Variants in ZNF529 observed in about 807,000 individuals in gnomAD.
ZNF529 encodes zinc finger protein 529.
A neutral mutation model predicts 10.1 loss-of-function variants in ZNF529; 11 were observed. The ratio of observed to expected loss-of-function variants is 1.09; its 90% CI spans 0.69 to 1.81. ZNF529 has a LOEUF of 1.81. Among genes scored for constraint, ZNF529 ranks in the 40% most tolerant of loss-of-function variants. The pLI is 0.00. For missense variants in ZNF529, 624 were observed against 666.8 expected (o/e 0.94, Z 0.71); for synonymous variants, 204 against 215.7 (o/e 0.95, Z 0.47).
intron 1 of ZNF529, 90 bp from the exon 2 acceptor site, chr19:36,572,482 A>G (rs1370222822): frequency 2.1e-6 from 2 of 954,284 alleles, no homozygotes; most frequent in African/African-American, 1.7e-5. Context: ...CCCATCACAC[A>G]CAACAAACAC....
At chr19:36,584,668 A>T (rs1013329464) in intron 2 of ZNF529, among the ~76,000 whole-genome samples, 1 of 151,802 alleles carries the variant, frequency 6.6e-6, no homozygotes, top group Non-Finnish European at 1.5e-5. Flanking sequence ...TCAGGAGGCT[A>T]AGGCAAGATA....
intron 4 of ZNF529, among the ~76,000 whole-genome samples, chr19:36,550,214 T>C (rs1246311200): frequency 4.6e-5 from 7 of 152,194 alleles, no homozygotes; most frequent in Admixed American, 3.3e-4. Context: ...CCAGTATCAG[T>C]AAATCAAAAG....
intron 2 of ZNF529, 109 bp from the exon 3 acceptor site, chr19:36,556,306 A>T (rs138960313): frequency 3.0e-6 from 2 of 664,298 alleles, no homozygotes; most frequent in African/African-American, 3.6e-5. Context: ...CTCAAAAAAC[A>T]TGTTAAGAAC....
chr19:36,551,822 C>T (rs983772588), intron 4 of ZNF529: 3 of 152,178 alleles, frequency 2.0e-5, no homozygotes, highest in Admixed American at 1.3e-4. Context: ...CCATCACACA[C>T]CATCCCTTTA....
chr19:36,581,141 G>C (rs1376333045), intron 2 of ZNF529: 3 of 152,124 alleles, frequency 2.0e-5, no homozygotes, highest in Admixed American at 1.3e-4. Flanking sequence ...TCATGTACCT[G>C]AACAGTCCCC....
rs141973505 is a variant in ZNF529, at chr19:36,578,613, A to AT, written c.-41+11001dup. ...AGCCACTGCACTCCACTGGGGGAGA[A>AT]TTTTTTTTTTTTTGAGATGAAGTGT... On this transcript the variant is annotated intron_variant, in intron 2 of 4. Coordinates refer to the ZNF529 transcript ENST00000585960. 4.4e-3 allele frequency among the ~76,000 whole-genome samples: 591 copies of AT among 133,594 alleles called. 2 individuals carry two copies. Among genetic ancestry groups the AT allele is most frequent in the South Asian group, 0.012 (52 of 4,218 alleles). 87.6% of individuals were successfully genotyped at this position (133,594 alleles called of 152,430 possible).
chr19:36,554,419 A>C (rs2035381008), intron 4 of ZNF529, among the ~76,000 whole-genome samples: 1 of 152,188 alleles, frequency 6.6e-6, no homozygotes, highest in Non-Finnish European at 1.5e-5. Context: ...TCTACTAAAA[A>C]TACAAAAAAT....
upstream of ZNF529, chr19:36,574,952 A>G (rs1018899937): frequency 2.1e-6 from 1 of 468,960 alleles, no homozygotes; most frequent in Admixed American, 2.4e-5. Flanking sequence ...TAGAATGATT[A>G]GTTGTGATTT....
intron 2 of ZNF529, among the ~76,000 whole-genome samples, chr19:36,579,125 C>T (rs532171327): frequency 5.9e-5 from 9 of 151,674 alleles, no homozygotes; most frequent in South Asian, 2.1e-4. Flanking sequence ...TGCTTGAACC[C>T]GGTAGGTGGA....
At chr19:36,593,180 C>CT (rs1230830671) in intron 1 of ZNF529, among the ~76,000 whole-genome samples, 1 of 152,036 alleles carries the variant, frequency 6.6e-6, no homozygotes, top group African/African-American at 2.4e-5. Flanking sequence ...AGAGTAGATT[C>CT]TTTTTTCTTT....
chr19:36,553,488 G>A (rs1000922890), intron 4 of ZNF529, among the ~76,000 whole-genome samples: 2 of 152,062 alleles, frequency 1.3e-5, no homozygotes, highest in Non-Finnish European at 2.9e-5. Flanking sequence ...TAGAAGGCAA[G>A]AACTATGGAA....
rs76475456 is a variant in ZNF529, at chr19:36,579,066, G to A, written c.-41+10549C>T. On this transcript the variant is annotated intron_variant, in intron 2 of 4. Transcript: ENST00000585960. Reference sequence around the variant, plus strand: ...CTCTACTAAAAATTAGCCAGGCATGGTCGTGGGTGCCTGTAATCCCAGCTA... The same window carrying A: ...CTCTACTAAAAATTAGCCAGGCATGATCGTGGGTGCCTGTAATCCCAGCTA... Among the ~76,000 whole-genome samples the A allele has an allele frequency of 1.1e-4, 16 of 152,042 alleles. No homozygotes were observed. In the South Asian group the frequency reaches 3.3e-3, roughly 32 times the overall value.
intron 2 of ZNF529, among the ~76,000 whole-genome samples, chr19:36,579,708 C>A (rs1280799262): frequency 4.6e-5 from 7 of 152,140 alleles, no homozygotes; most frequent in Non-Finnish European, 7.3e-5. Flanking sequence ...AGATACTTGC[C>A]ATGAATGGAG....
intron 1 of ZNF529, among the ~76,000 whole-genome samples, chr19:36,602,242 T>TAG (rs2036936040): frequency 1.3e-5 from 2 of 151,916 alleles, no homozygotes; most frequent in Admixed American, 1.3e-4. Flanking sequence ...GAGATGGTGT[T>TAG]TTGCCATGTT....
intron 1 of ZNF529, among the ~76,000 whole-genome samples, chr19:36,595,496 G>A (rs759151694): frequency 1.4e-4 from 22 of 152,092 alleles, no homozygotes; most frequent in Admixed American, 2.6e-4. Context: ...AAGAGTTCGC[G>A]ATCAGCCTAG....
intron 2 of ZNF529, among the ~76,000 whole-genome samples, chr19:36,583,826 C>T (rs747630644): frequency 5.1e-4 from 77 of 151,784 alleles, no homozygotes; most frequent in Non-Finnish European, 8.8e-4. Flanking sequence ...AAAGATATAT[C>T]TGAAGAGATT....
At chr19:36,592,256 G>A (rs540157736) in intron 1 of ZNF529, among the ~76,000 whole-genome samples, 11 of 138,560 alleles carry the variant, frequency 7.9e-5, no homozygotes, top group Non-Finnish European at 1.5e-4. Context: ...CTGCACTGCA[G>A]CCTGGGCAAC....
chr19:36,603,879 C>T (rs2036970745), intron 1 of ZNF529, among the ~76,000 whole-genome samples: 2 of 152,200 alleles, frequency 1.3e-5, no homozygotes, highest in African/African-American at 2.4e-5. Context: ...CCCCACAGAG[C>T]TTCCAAAAGG....
chr19:36,550,756 G>T (rs1354269029), intron 4 of ZNF529, among the ~76,000 whole-genome samples: 1 of 152,046 alleles, frequency 6.6e-6, no homozygotes, highest in Admixed American at 6.6e-5. Flanking sequence ...GTGACCTAAA[G>T]AAAAGGTGAG....
Sources: allele counts gnomAD v4.1 joint callset (sites outside exome capture counted in the v4.1 genomes callset), GRCh38; gene constraint gnomAD v4.1.1; transcripts MANE v1.5; gene names NCBI Gene and HGNC (gene_info 2026-07-23, HGNC 2026-07-21).